ADAM15: variants seen among roughly 807,000 people sequenced by gnomAD.
ADAM15 encodes disintegrin and metalloproteinase domain-containing protein 15.
Under a neutral mutation model 113.8 loss-of-function variants are expected in ADAM15, and 77 were observed. That is an observed-to-expected ratio of 0.68 (90% CI 0.56 to 0.82). The LOEUF is 0.82. Among genes scored for constraint, ADAM15 ranks in the 40% least tolerant of loss-of-function variants. ADAM15 has a pLI of 0.00. For synonymous variants in ADAM15, 388 were observed against 454.1 expected, an observed-to-expected ratio of 0.85 and a Z score of 1.85; for missense variants, 963 against 1,120.1, an observed-to-expected ratio of 0.86 and a Z score of 2.00.
intron 2 of ADAM15, among the ~76,000 whole-genome samples, chr1:155,053,107 A>ACCCCCCCCCCCCC (rs5777934): frequency 9.8e-6 from 1 of 102,294 alleles, no homozygotes; most frequent in Non-Finnish European, 1.9e-5. Flanking sequence ...ACCTTACCAA[A>ACCCCCCCCCCCCC]CCCCCCCCCC....
At chr1:155,055,900 C>T (rs1023446243) in intron 7 of ADAM15, 32 bp from the exon 8 acceptor site, 2 of 1,614,068 alleles carry the variant, frequency 1.2e-6, no homozygotes, top group African/African-American at 1.3e-5. Context: ...CACTGCCCTG[C>T]CGCCTTTCAT....
chr1:155,054,847 G>A (rs953770926), intron 6 of ADAM15, among the ~76,000 whole-genome samples: 1 of 152,102 alleles, frequency 6.6e-6, no homozygotes, highest in Non-Finnish European at 1.5e-5. Flanking sequence ...ACCAGCCTGG[G>A]TGAAAGAGTG....
Position 155,055,877 on chromosome 1 carries a change from C to T in ADAM15, c.675+25C>T, listed in dbSNP as rs748469605. 9.9e-6 allele frequency: 16 copies of T among 1,614,074 alleles called. No individual in the cohort carries two copies. In the Admixed American group the frequency reaches 2.2e-4, roughly 22 times the overall value. On this transcript the variant is annotated intron_variant, in intron 7 of 22. Transcript: ENST00000356955. ...GGTGAGCCTGCTGGCCCCTGCACAT[C>T]CTCCTCCCCCTGCACTGCCCTGCCG...
chr1:155,060,699 G>GC (rs1662453033), intron 18 of ADAM15, 64 bp from the exon 19 acceptor site: 20 of 1,538,364 alleles, frequency 1.3e-5, no homozygotes, highest in Non-Finnish European at 1.8e-5. Context: ...CTCAGGGATG[G>GC]CATATGGTAG....
chr1:155,052,349 G>A, intron 1 of ADAM15: 1 of 713,170 alleles, frequency 1.4e-6, no homozygotes, highest in Non-Finnish European at 2.3e-6. Flanking sequence ...TGGGGGGAGA[G>A]TGATTGGGAG....
rs1450172519 is a variant in ADAM15 at position 155,056,517 on chromosome 1, C to T, written c.999+47C>T. The T allele has an allele frequency of 1.3e-6, 2 of 1,577,228 alleles. No individual in the cohort carries two copies. The highest frequency in any genetic ancestry group is 2.7e-5 in the African/African-American group (2 of 74,094). On this transcript the variant is annotated intron_variant, in intron 10 of 22. Coordinates refer to ENST00000356955, the MANE Select transcript of ADAM15 (RefSeq NM_207197.3). This position sits in a 1 kb window ranked among gnomAD's most constrained non-coding sequence, Gnocchi z 4.0. ...TCCTCATTCCCAATTCAGTTCCTCC[C>T]AAGTGTGGTGGCATTTATGCACTGA...
intron 6 of ADAM15, 110 bp downstream of exon 6, chr1:155,054,616 C>T: frequency 8.2e-7 from 1 of 1,216,668 alleles, no homozygotes; most frequent in Non-Finnish European, 1.1e-6. Flanking sequence ...GGAGCACTTT[C>T]CACATGCTGG....
intron 6 of ADAM15, 110 bp downstream of exon 6, chr1:155,054,616 C>A: frequency 8.2e-7 from 1 of 1,216,664 alleles, no homozygotes; most frequent in Non-Finnish European, 1.1e-6. Context: ...GGAGCACTTT[C>A]CACATGCTGG....
chr1:155,053,552 T>C (rs1661373041), intron 3 of ADAM15, 59 bp downstream of exon 3: 1 of 1,561,496 alleles, frequency 6.4e-7, no homozygotes, highest in Non-Finnish European at 8.8e-7. Context: ...ATAGCATTTA[T>C]TATGTGCCAG....
In ADAM15 at chr1:155,061,418, G is replaced by A. The variant is rs1474256613; in HGVS notation, c.2281G>A (p.Ala761Thr). ...RALLARGTKQ[A>T]SALSFPAPPS... ...TCTGCCCCTCCTGCCCTCTCAGCAGGCTAGTGCTCTCAGCTTCCCGGCCCC... is the reference window on the plus strand; with the variant it reads ...TCTGCCCCTCCTGCCCTCTCAGCAGACTAGTGCTCTCAGCTTCCCGGCCCC... The change falls in exon 20 of 23, where the codon GCT (alanine) becomes ACT (threonine). Residue 761 changes from alanine (A) to threonine (T), a missense_variant. Ala to Thr is a moderately conservative substitution (Grantham distance 58). Transcript: ENST00000356955. 24 of 1,613,212 alleles carry A rather than the reference G, an allele frequency of 1.5e-5. No individual in the cohort carries two copies. The highest frequency in any genetic ancestry group is 2.0e-5 in the Non-Finnish European group (24 of 1,179,724).
Position 155,062,373 on chromosome 1 carries a change from G to A in ADAM15, c.2549+4G>A. 1 of 1,601,836 alleles carries A rather than the reference G, an allele frequency of 6.2e-7. No homozygotes were observed. The highest frequency in any genetic ancestry group is 8.5e-7 in the Non-Finnish European group (1 of 1,174,734). On this transcript the variant is annotated splice_donor_region_variant and intron_variant, in intron 22 of 22. Coordinates refer to ENST00000356955, the MANE Select transcript of ADAM15 (RefSeq NM_207197.3). The surrounding 1 kb of genome is among the most constrained non-coding windows in gnomAD (Gnocchi z 7.0). Reference sequence around the variant, plus strand: ...CGCCCCTAGTGGTACCCTCCAGGTAGGAGGAGCCCTGGGCATGGGTGGGCG... The same window carrying A: ...CGCCCCTAGTGGTACCCTCCAGGTAAGAGGAGCCCTGGGCATGGGTGGGCG...
Position 155,058,028 on chromosome 1 carries a change from C to T in ADAM15, c.1594C>T (p.Gln532Ter). Residue 532 changes from glutamine (Q) to a stop codon, truncating the protein, a stop_gained, in exon 14 of 23, where the codon CAG (glutamine) becomes TAG (stop). Coordinates refer to ENST00000356955, the MANE Select transcript of ADAM15 (RefSeq NM_207197.3). LOFTEE classifies it high-confidence loss of function. This position sits in a 1 kb window ranked among gnomAD's most constrained non-coding sequence, Gnocchi z 4.3. ...GRCASYAQQC[Q>*]SLWGPGAQPA... The stretch of plus-strand genomic sequence containing the variant: ...TTGTGCCTCCTATGCCCAGCAGTGC[C>T]AGTCACTTTGGGGACCTGGAGCCCA... 1 of 1,614,096 alleles carries T rather than the reference C, an allele frequency of 6.2e-7. No homozygotes were observed. The highest frequency in any genetic ancestry group is 1.3e-5 in the African/African-American group (1 of 75,074).
chr1:155,052,820 C>G lies in ADAM15; in HGVS notation c.186+43C>G, dbSNP rs377698128. 81 of 1,563,274 alleles carry G rather than the reference C, an allele frequency of 5.2e-5. No homozygotes were observed. In the African/African-American group the frequency reaches 9.8e-4, roughly 19 times the overall value. On this transcript the variant is annotated intron_variant, in intron 2 of 22. Coordinates refer to ENST00000356955, the MANE Select transcript of ADAM15 (RefSeq NM_207197.3). ...TCTAATAAATAAACGAATCCACACA[C>G]GCCCCGGTATAGCCAGGTGTCTCAA...
chr1:155,061,573 C>A, intron 20 of ADAM15, 84 bp downstream of exon 20: 1 of 1,406,722 alleles, frequency 7.1e-7, no homozygotes, highest in Non-Finnish European at 9.8e-7. Flanking sequence ...TGCTCCCTGC[C>A]AGTGGTGCTC....
rs1027533153 is a variant in ADAM15 at position 155,062,199 on chromosome 1, A to C, written c.2425-46A>C. Reference sequence around the variant, plus strand: ...CACCAGTGCGTTGGGGGTGGGCAACATGACACCCCCCCACCTAAGCCGGCC... The same window carrying C: ...CACCAGTGCGTTGGGGGTGGGCAACCTGACACCCCCCCACCTAAGCCGGCC... On this transcript the variant is annotated intron_variant, in intron 21 of 22. Transcript: ENST00000356955. The surrounding 1 kb of genome is among the most constrained non-coding windows in gnomAD (Gnocchi z 7.0). The C allele has an allele frequency of 6.9e-7, 1 of 1,445,744 alleles. No individual in the cohort carries two copies. 89.6% of individuals were successfully genotyped at this position (1,445,744 alleles called of 1,614,324 possible). A position where few individuals can be genotyped will look rare whatever the true frequency, so the allele number is the denominator to read the frequency against.
chr1:155,062,136 G>T lies in ADAM15; in HGVS notation c.2425-109G>T. ...GTGACAGGTTTGTTTGCAGACAAGG[G>T]TGACCGCTGGTGCTGCCCCCAAGCT... On this transcript the variant is annotated intron_variant, in intron 21 of 22. Transcript: ENST00000356955. This position sits in a 1 kb window ranked among gnomAD's most constrained non-coding sequence, Gnocchi z 7.0. 6.9e-7 allele frequency: 1 copy of T among 1,447,654 alleles called. No homozygotes were observed. Among genetic ancestry groups the T allele is most frequent in the Non-Finnish European group, 9.1e-7 (1 of 1,099,994 alleles). The allele number at this position is 1,447,654 out of a possible 1,614,324, so 89.7% of individuals were successfully genotyped here.
intron 17 of ADAM15, 48 bp from the exon 18 acceptor site, chr1:155,060,157 C>A: frequency 6.2e-7 from 1 of 1,607,476 alleles, no homozygotes; most frequent in Non-Finnish European, 8.5e-7. Flanking sequence ...CTTCATGGAT[C>A]TAGAGTTCTT....
chr1:155,051,519 A>C, intron 1 of ADAM15, 54 bp downstream of exon 1: 1 of 1,464,484 alleles, frequency 6.8e-7, no homozygotes, highest in Non-Finnish European at 9.0e-7. Flanking sequence ...GAGGTGCAGG[A>C]AAGTCGGAAG....
Position 155,052,719 on chromosome 1 carries a change from C to T in ADAM15, c.128C>T (p.Pro43Leu). Residue 43 changes from proline (P) to leucine (L), a missense_variant, in exon 2 of 23, where the codon CCC becomes CTC. Transcript: ENST00000356955. Reference protein sequence around the residue: ...QAESEKAPREPLEPQVLQDDL... With the variant: ...QAESEKAPRELLEPQVLQDDL... ...GAGTCAGAGAAGGCCCCGAGGGAGCCCTTGGAGCCCCAGGTCCTTCAGGAC... is the reference window on the plus strand; with the variant it reads ...GAGTCAGAGAAGGCCCCGAGGGAGCTCTTGGAGCCCCAGGTCCTTCAGGAC... The T allele has an allele frequency of 6.2e-7, 1 of 1,612,354 alleles. No individual in the cohort carries two copies. Among genetic ancestry groups the T allele is most frequent in the Non-Finnish European group, 8.5e-7 (1 of 1,179,578 alleles).
Sources: gnomAD v4.1 joint callset for allele counts (sites outside exome capture counted in the v4.1 genomes callset) on GRCh38, gnomAD v4.1.1 for gene constraint, Gnocchi (gnomAD v3.1) non-coding constraint, MANE v1.5 for transcripts, NCBI Gene and HGNC (gene_info 2026-07-23, HGNC 2026-07-21) for gene names.